Variants in PTPN12 observed in about 807,000 individuals in gnomAD.
The protein encoded by PTPN12 is tyrosine-protein phosphatase non-receptor type 12.
PTPN12 carries 29 observed loss-of-function variants against 97.6 expected under a neutral mutation model. The ratio of observed to expected loss-of-function variants is 0.30; its 90% CI spans 0.22 to 0.41. PTPN12 has a LOEUF of 0.41. PTPN12 is among the 10% of genes least tolerant of loss of function. PTPN12 has a pLI of 1.00. For synonymous variants in PTPN12, 327 were observed against 300.4 expected (o/e 1.09, Z -0.91); for missense variants, 819 against 926.0 (o/e 0.88, Z 1.50).
chr7:77,564,300 TATTA>T (rs1808132951), intron 1 of PTPN12: 1 of 152,368 alleles, frequency 6.6e-6, no homozygotes, highest in African/African-American at 2.4e-5. Context: ...TGTATGCTGC[TATTA>T]ATTTATATTT....
chr7:77,623,584 G>T (rs1367941863), intron 12 of PTPN12, among the ~76,000 whole-genome samples: 1 of 152,224 alleles, frequency 6.6e-6, no homozygotes, highest in Non-Finnish European at 1.5e-5. Context: ...CATGGCGCGT[G>T]CCTATAATCC....
In PTPN12 at chr7:77,537,583, A is replaced by T. The variant is rs1033025678; in HGVS notation, c.37A>T (p.Arg13Trp). The T allele has an allele frequency of 1.2e-6, 2 of 1,601,956 alleles. No individual in the cohort carries two copies. Among genetic ancestry groups the T allele is most frequent in the Non-Finnish European group, 1.7e-6 (2 of 1,175,432 alleles). ...GGAGATCCTGAGGAAATTCATCCAG[A>T]GGGTCCAGGCCATGAAGAGTCCTGA... Reference protein sequence around the residue: ...QVEILRKFIQRVQAMKSPDHN... With the variant: ...QVEILRKFIQWVQAMKSPDHN... The change falls in exon 1 of 18, where the codon AGG becomes TGG. Residue 13 changes from arginine (R) to tryptophan (W), a missense_variant. Physicochemically the swap from Arg to Trp is moderately radical, Grantham distance 101. Coordinates refer to ENST00000248594, the MANE Select transcript of PTPN12 (RefSeq NM_002835.4).
chr7:77,549,668 C>T (rs1807393238), intron 1 of PTPN12, among the ~76,000 whole-genome samples: 1 of 151,642 alleles, frequency 6.6e-6, no homozygotes, highest in Non-Finnish European at 1.5e-5. Flanking sequence ...GCAGCCCTGA[C>T]CTCCTGGGCT....
At chr7:77,625,524 A>ACTCACT (rs1789133869) in intron 12 of PTPN12, among the ~76,000 whole-genome samples, 1 of 17,016 alleles carries the variant, frequency 5.9e-5, no homozygotes, top group African/African-American at 2.9e-4. Context: ...TCTCTCTCTC[A>ACTCACT]CTCTCACTCT....
chr7:77,631,743 A>C (rs566560165), intron 13 of PTPN12, among the ~76,000 whole-genome samples: 61 of 152,378 alleles, frequency 4.0e-4, no homozygotes, highest in African/African-American at 1.5e-3. Flanking sequence ...CAAAATCTTT[A>C]GCAATAAATA....
In PTPN12 at chr7:77,583,599, A is replaced by G. The variant is rs767906152; in HGVS notation, c.330A>G (p.Leu110=). The change falls in exon 4 of 18, where the codon TTA becomes TTG. Residue 110 remains leucine (L), a synonymous_variant. Coordinates refer to ENST00000248594, the MANE Select transcript of PTPN12 (RefSeq NM_002835.4). The part of the protein sequence containing the change: ...PKAYVATQGP[L]ANTVIDFWRM... Reference sequence around the variant, plus strand: ...CATATGTAGCAACTCAAGGACCTTTAGCAAATACAGTAATAGATTTTTGGA... The same window carrying G: ...CATATGTAGCAACTCAAGGACCTTTGGCAAATACAGTAATAGATTTTTGGA... 6.2e-7 allele frequency: 1 copy of G among 1,611,906 alleles called. No individual in the cohort carries two copies. The highest frequency in any genetic ancestry group is 1.7e-5 in the Admixed American group (1 of 59,652).
At chr7:77,611,211 A>G (rs1430010768) in intron 11 of PTPN12, among the ~76,000 whole-genome samples, 165 bp downstream of exon 11, 1 of 152,206 alleles carries the variant, frequency 6.6e-6, no homozygotes, top group Non-Finnish European at 1.5e-5. Context: ...TATCTGTATT[A>G]TGATGGCTAT....
chr7:77,590,046 G>GA (rs1179501833), intron 5 of PTPN12, among the ~76,000 whole-genome samples: 1 of 152,186 alleles, frequency 6.6e-6, no homozygotes, highest in East Asian at 1.9e-4. Context: ...TGACCTGGTG[G>GA]AAAAAGCATA....
At chr7:77,579,262 C>G (rs901838247) in intron 2 of PTPN12, among the ~76,000 whole-genome samples, 4 of 152,110 alleles carry the variant, frequency 2.6e-5, no homozygotes, top group African/African-American at 9.7e-5. Context: ...GCTGAGATTA[C>G]AGGCATGCGC....
At chr7:77,578,065 C>T (rs917269545) in intron 2 of PTPN12, among the ~76,000 whole-genome samples, 3 of 152,184 alleles carry the variant, frequency 2.0e-5, no homozygotes, top group African/African-American at 7.2e-5. Flanking sequence ...CAGCCTGGCA[C>T]CAGTCCTAAC....
At position 77,537,704 on chromosome 7, in the gene PTPN12, C is replaced by T. The variant is rs542304567; in HGVS notation, c.99+59C>T. The T allele has an allele frequency of 4.0e-6, 6 of 1,515,334 alleles. No individual in the cohort carries two copies. The East Asian group carries it at 1.3e-4, about 33-fold the overall frequency. The allele number at this position is 1,515,334 out of a possible 1,614,324, so 93.9% of individuals were successfully genotyped here. A position where few individuals can be genotyped will look rare whatever the true frequency, so the allele number is the denominator to read the frequency against. On this transcript the variant is annotated intron_variant, in intron 1 of 17. Transcript: ENST00000248594. ...CCGGCGCCGGAGCCCATCGCCGCCT[C>T]TCCCGGCCGGGCCGCCAGTGCTTTG...
intron 11 of PTPN12, among the ~76,000 whole-genome samples, chr7:77,617,861 A>G (rs1189659314): frequency 6.6e-6 from 1 of 152,212 alleles, no homozygotes; most frequent in African/African-American, 2.4e-5. Context: ...CCTTGTGACC[A>G]GCAAGAACCA....
At chr7:77,566,935 A>G (rs1163388582) in intron 1 of PTPN12, among the ~76,000 whole-genome samples, 1 of 151,942 alleles carries the variant, frequency 6.6e-6, no homozygotes, top group East Asian at 1.9e-4. Flanking sequence ...TAATTAAATT[A>G]TATAATAAAT....
chr7:77,602,194 G>C (rs1269652068), intron 8 of PTPN12, among the ~76,000 whole-genome samples: 2 of 149,406 alleles, frequency 1.3e-5, no homozygotes, highest in Non-Finnish European at 3.0e-5. Context: ...TAGAAGGGGG[G>C]TTAATGTATA....
chr7:77,573,095 AACAAAAAAAC>A lies in PTPN12; in HGVS notation c.208+1911_208+1920del, dbSNP rs1345730737. Reference sequence around the variant, plus strand: ...AAGACTCTATCTCAAAAAAAAAAAAAACAAAAAAACAAAAAAAACCAGTGTACCTAGCACA... The same window carrying A: ...AAGACTCTATCTCAAAAAAAAAAAAAAAAAAAAACCAGTGTACCTAGCACA... On this transcript the variant is annotated intron_variant, in intron 2 of 17. Coordinates refer to ENST00000248594, the MANE Select transcript of PTPN12 (RefSeq NM_002835.4). 1.2e-4 allele frequency among the ~76,000 whole-genome samples: 5 copies of A among 40,598 alleles called. 2 individuals carry two copies. Among genetic ancestry groups the A allele is most frequent in the African/African-American group, 7.5e-4 (4 of 5,300 alleles). The allele number at this position is 40,598 out of a possible 152,430, so 26.6% of individuals were successfully genotyped here.
chr7:77,605,945 CTTTTTTTTTTT>C (rs10648385), intron 8 of PTPN12, among the ~76,000 whole-genome samples: 52 of 51,920 alleles, frequency 1.0e-3, no homozygotes, highest in Middle Eastern at 0.022. Context: ...CAAGAGCCAT[CTTTTTTTTTTT>C]TTTTTTTTTT....
intron 13 of PTPN12, among the ~76,000 whole-genome samples, chr7:77,631,570 C>G (rs1789397785): frequency 6.6e-6 from 1 of 152,160 alleles, no homozygotes; most frequent in South Asian, 2.1e-4. Context: ...AGTGAAAACT[C>G]AAAGATCAAA....
At chr7:77,555,644 G>A (rs1390724158) in intron 1 of PTPN12, among the ~76,000 whole-genome samples, 1 of 152,166 alleles carries the variant, frequency 6.6e-6, no homozygotes, top group African/African-American at 2.4e-5. Context: ...GCCGGGCACG[G>A]TGGCTCACGC....
At chr7:77,607,128 A>G (rs1788401970) in intron 8 of PTPN12, 107 bp from the exon 9 acceptor site, 1 of 897,088 alleles carries the variant, frequency 1.1e-6, no homozygotes, top group Admixed American at 2.8e-5. Flanking sequence ...ATTTTGTCAA[A>G]CTTCTTAAAT....
Sources: gnomAD v4.1 joint callset for allele counts (sites outside exome capture counted in the v4.1 genomes callset) on GRCh38, gnomAD v4.1.1 for gene constraint, MANE v1.5 for transcripts, NCBI Gene and HGNC (gene_info 2026-07-23, HGNC 2026-07-21) for gene names.